The following C2CD2 variants were observed in gnomAD, a reference collection of about 807,000 sequenced individuals.
C2CD2 encodes the protein C2 calcium dependent domain containing 2, also known as C2 domain-containing protein 2.
In C2CD2, 43 loss-of-function variants were observed where a neutral mutation model predicts 74.3. That is an observed-to-expected ratio of 0.58 (90% confidence interval 0.45 to 0.75). The LOEUF is 0.75. Among genes scored for constraint, C2CD2 ranks in the 30% least tolerant of loss-of-function variants. The probability of loss-of-function intolerance (pLI) is 0.00; values close to 1 mark genes in which losing one functional copy is unlikely to be tolerated. For missense variants in C2CD2, 801 were observed against 916.3 expected (o/e 0.87, Z 1.63); for synonymous variants, 422 against 390.7 (o/e 1.08, Z -0.94).
At chr21:41,931,777 G>A (rs1195702951) in intron 2 of C2CD2, among the ~76,000 whole-genome samples, 1 of 150,004 alleles carries the variant, frequency 6.7e-6, no homozygotes, top group Non-Finnish European at 1.5e-5. Flanking sequence ...GATAGCACCA[G>A]GATGGGGGCT....
Position 41,922,068 on chromosome 21 carries a change from C to A in C2CD2, c.396G>T (p.Val132=), listed in dbSNP as rs376932377. The change falls in exon 3 of 14, where the codon GTG becomes GTT. Residue 132 remains valine (V), a synonymous_variant. Transcript: ENST00000380486. ...SAEEKVVVCH[V]VGQAIQFLVS... ...CCAAGAACTGAATAGCCTGGCCCAC[C>A]ACGTGACAGACCACCACCTGGAGGA... 6.2e-7 allele frequency: 1 copy of A among 1,613,030 alleles called. No homozygotes were observed. The highest frequency in any genetic ancestry group is 8.5e-7 in the Non-Finnish European group (1 of 1,179,100).
chr21:41,946,089 T>C (rs1391311646), intron 1 of C2CD2, among the ~76,000 whole-genome samples: 1 of 152,052 alleles, frequency 6.6e-6, no homozygotes, highest in Non-Finnish European at 1.5e-5. Context: ...TTCCAAATAA[T>C]AAAGACAGTA....
intron 1 of C2CD2, among the ~76,000 whole-genome samples, chr21:41,949,197 C>T (rs1205295936): frequency 2.0e-5 from 3 of 152,194 alleles, no homozygotes; most frequent in African/African-American, 4.8e-5. Context: ...ATCCCAGAGT[C>T]GAGGAGACTG....
At chr21:41,910,481 C>T (rs1480686704) in intron 7 of C2CD2, among the ~76,000 whole-genome samples, 2 of 152,152 alleles carry the variant, frequency 1.3e-5, no homozygotes, top group East Asian at 1.9e-4. Flanking sequence ...ACCTCCAATG[C>T]CATTATCACT....
Position 41,953,428 on chromosome 21 carries a change from C to A in C2CD2, c.221G>T (p.Arg74Met). The A allele has an allele frequency of 6.9e-7, 1 of 1,454,114 alleles. No homozygotes were observed. Among genetic ancestry groups the A allele is most frequent in the Non-Finnish European group, 9.1e-7 (1 of 1,095,928 alleles). The allele number at this position is 1,454,114 out of a possible 1,614,324, so 90.1% of individuals were successfully genotyped here. The change falls in exon 1 of 14, where the codon AGG (arginine) becomes ATG (methionine). Residue 74 changes from arginine to methionine, a missense_variant. Arg to Met is a moderately conservative substitution (Grantham distance 91). Transcript: ENST00000380486. ...CACCCAGGCCGCCTGCCACTGGCTCCTCCAGCTGCCCAGCGTCAGGATCCA... is the reference window on the plus strand; with the variant it reads ...CACCCAGGCCGCCTGCCACTGGCTCATCCAGCTGCCCAGCGTCAGGATCCA... ...LSWILTLGSW[R>M]SQWQAAWVTA...
chr21:41,919,471 T>C (rs1317061041), intron 3 of C2CD2, among the ~76,000 whole-genome samples: 3 of 152,212 alleles, frequency 2.0e-5, no homozygotes, highest in Non-Finnish European at 2.9e-5. Flanking sequence ...TCAGCATTGG[T>C]GGTCGACAAC....
chr21:41,895,205 G>A lies in C2CD2; in HGVS notation c.1870+3848C>T, dbSNP rs890421889. Among the ~76,000 whole-genome samples the A allele has an allele frequency of 2.6e-5, 4 of 152,182 alleles. No homozygotes were observed. The highest frequency in any genetic ancestry group is 4.8e-5 in the African/African-American group (2 of 41,442). On this transcript the variant is annotated intron_variant, in intron 13 of 13. Transcript: ENST00000380486. The surrounding 1 kb of genome is among the most constrained non-coding windows in gnomAD (Gnocchi z 5.0). ...CAAGAATGAAGCATCAGCTCTTGCC[G>A]GGGTCTCTGGCCTGCTGCCTGCCCT...
chr21:41,911,019 T>C (rs1247332377), intron 7 of C2CD2, among the ~76,000 whole-genome samples: 1 of 152,198 alleles, frequency 6.6e-6, no homozygotes, highest in Admixed American at 6.5e-5. Context: ...ATAGGCATCC[T>C]TCTCTTGATT....
rs1413528774 is a variant in C2CD2, at chr21:41,899,356, G to A, written c.1567C>T (p.Leu523=). The part of the protein sequence containing the change: ...IIISGISKTS[L]SQDHDAALMQ... Reference sequence around the variant, plus strand: ...AGGGCAGCGTCGTGGTCCTGAGATAGTGAGGTCTGTCAGGGGCAGTGGGGA... The same window carrying A: ...AGGGCAGCGTCGTGGTCCTGAGATAATGAGGTCTGTCAGGGGCAGTGGGGA... Residue 523 remains leucine (L), a synonymous_variant, in exon 13 of 14, where the codon CTA becomes TTA. Transcript: ENST00000380486. This position sits in a 1 kb window ranked among gnomAD's most constrained non-coding sequence, Gnocchi z 4.4. 2.5e-6 allele frequency: 4 copies of A among 1,604,690 alleles called. No homozygotes were observed. Among genetic ancestry groups the A allele is most frequent in the Non-Finnish European group, 3.4e-6 (4 of 1,179,916 alleles).
intron 5 of C2CD2, among the ~76,000 whole-genome samples, chr21:41,915,933 G>T (rs1353261152): frequency 6.6e-6 from 1 of 152,168 alleles, no homozygotes; most frequent in Non-Finnish European, 1.5e-5. Flanking sequence ...GCTGTGAGAA[G>T]TTTTCAGGCA....
Position 41,933,021 on chromosome 21 carries a change from C to G in C2CD2, c.378+9126G>C, listed in dbSNP as rs1601595505. On this transcript the variant is annotated intron_variant, in intron 2 of 13. Coordinates refer to ENST00000380486, the MANE Select transcript of C2CD2 (RefSeq NM_015500.2). ...GAGCTCAGGCCAGCCAGTCCTCGGC[C>G]TTATCCTTCCGATCAGAGATGGCAT... Among the ~76,000 whole-genome samples, 3 of 150,412 alleles carry G rather than the reference C, an allele frequency of 2.0e-5. 1 individual carries two copies. In the Middle Eastern group the frequency reaches 0.01, roughly 512 times the overall value.
At chr21:41,912,995 G>T (rs1304982404) in intron 6 of C2CD2, among the ~76,000 whole-genome samples, 2 of 152,178 alleles carry the variant, frequency 1.3e-5, no homozygotes, top group East Asian at 3.9e-4. Flanking sequence ...TTGACCCCAA[G>T]TACCTCGCCC....
rs148916218 is a variant in C2CD2, at chr21:41,899,774, T to C, written c.1561-412A>G. ...AGCTGTCTTTGTTCCTACACGTTTA[T>C]GTTACCTGCAAGTGGAAATTCACCG... On this transcript the variant is annotated intron_variant, in intron 12 of 13. Transcript: ENST00000380486. This position sits in a 1 kb window ranked among gnomAD's most constrained non-coding sequence, Gnocchi z 4.4. 8.2e-3 allele frequency among the ~76,000 whole-genome samples: 1,243 copies of C among 152,288 alleles called. 12 individuals carry two copies. Among genetic ancestry groups the C allele is most frequent in the African/African-American group, 0.028 (1,151 of 41,544 alleles).
At chr21:41,948,386 G>T (rs1235222010) in intron 1 of C2CD2, among the ~76,000 whole-genome samples, 2 of 152,264 alleles carry the variant, frequency 1.3e-5, no homozygotes, top group East Asian at 1.9e-4. Flanking sequence ...CTCCGGGGGG[G>T]TCGGGAGGAG....
intron 1 of C2CD2, among the ~76,000 whole-genome samples, chr21:41,949,832 T>C (rs1196102193): frequency 6.6e-6 from 1 of 152,210 alleles, no homozygotes. Flanking sequence ...GTTCATGTCC[T>C]TTGCAGGGAC....
chr21:41,928,824 G>A (rs1037849155), intron 2 of C2CD2, among the ~76,000 whole-genome samples: 1 of 152,168 alleles, frequency 6.6e-6, no homozygotes, highest in Non-Finnish European at 1.5e-5. Flanking sequence ...GGTTCTGGGG[G>A]AAATTCCACA....
intron 3 of C2CD2, among the ~76,000 whole-genome samples, chr21:41,921,615 C>T (rs1201136423): frequency 6.6e-6 from 1 of 152,302 alleles, no homozygotes; most frequent in South Asian, 2.1e-4. Flanking sequence ...GCTGTGTTTC[C>T]AAGCTGCAAC....
At chr21:41,943,202 G>A (rs2065369714) in intron 1 of C2CD2, among the ~76,000 whole-genome samples, 1 of 152,104 alleles carries the variant, frequency 6.6e-6, no homozygotes, top group Admixed American at 6.6e-5. Context: ...AGGAAGCTGA[G>A]GCATGACAAT....
rs890559644 is a variant in C2CD2, at chr21:41,923,841, G to A, written c.379-1756C>T. Among the ~76,000 whole-genome samples the A allele has an allele frequency of 1.3e-5, 2 of 152,146 alleles. No homozygotes were observed. Among genetic ancestry groups the A allele is most frequent in the Non-Finnish European group, 2.9e-5 (2 of 68,020 alleles). ...CCCCGCTCCCCTCCCGGGGGCAGAG[G>A]GCCAAGCAGACACGTGTGGGATAAT... is the stretch of plus-strand genomic sequence containing the variant. On this transcript the variant is annotated intron_variant, in intron 2 of 13. Coordinates refer to ENST00000380486, the MANE Select transcript of C2CD2 (RefSeq NM_015500.2). This position sits in a 1 kb window ranked among gnomAD's most constrained non-coding sequence, Gnocchi z 5.8.
Sources: gnomAD v4.1 joint callset for allele counts (sites outside exome capture counted in the v4.1 genomes callset) on GRCh38, gnomAD v4.1.1 for gene constraint, Gnocchi (gnomAD v3.1) non-coding constraint, MANE v1.5 for transcripts, NCBI Gene and HGNC (gene_info 2026-07-23, HGNC 2026-07-21) for gene names.